The following SGO1 variants were observed in gnomAD, a reference collection of about 807,000 sequenced individuals.
The protein encoded by SGO1 is serologically defined breast cancer antigen NY-BR-85.
SGO1 carries 39 observed loss-of-function variants against 50.5 expected under a neutral mutation model. That is an observed-to-expected ratio of 0.77 (90% CI 0.60 to 1.01). The LOEUF is 1.01. Among genes scored for constraint, SGO1 ranks in the 50% least tolerant of loss-of-function variants. The pLI, the probability that SGO1 is intolerant of heterozygous loss-of-function variation, is 0.00. For synonymous variants in SGO1, 191 were observed against 205.1 expected, an observed-to-expected ratio of 0.93 and a Z score of 0.59; for missense variants, 638 against 606.0, an observed-to-expected ratio of 1.05 and a Z score of -0.55.
downstream of SGO1, among the ~76,000 whole-genome samples, chr3:20,166,040 G>A (rs1700282998): frequency 1.3e-5 from 2 of 152,164 alleles, no homozygotes; most frequent in South Asian, 2.1e-4. Flanking sequence ...CTGACAGAGC[G>A]AGACTCCATC....
chr3:20,185,389 T>G, intron 1 of SGO1, among the ~76,000 whole-genome samples: 1 of 152,234 alleles, frequency 6.6e-6, no homozygotes, highest in East Asian at 1.9e-4. Context: ...TTTTATATCC[T>G]GTCTAAATAA....
At chr3:20,172,916 T>C (rs1700929837) in intron 6 of SGO1, among the ~76,000 whole-genome samples, 2 of 151,730 alleles carry the variant, frequency 1.3e-5, no homozygotes, top group Admixed American at 6.6e-5. Context: ...CAGTGAGCCA[T>C]GACAGTGCCA....
rs1700548729 is a variant in SGO1 at position 20,169,978 on chromosome 3, G to A, written c.*726C>T. 4.1e-6 allele frequency: 4 copies of A among 984,250 alleles called. No individual in the cohort carries two copies. Among genetic ancestry groups the A allele is most frequent in the Non-Finnish European group, 4.8e-6 (4 of 829,008 alleles). The allele number at this position is 984,250 out of a possible 1,614,324, so 61.0% of individuals were successfully genotyped here. On this transcript the variant is annotated 3_prime_UTR_variant, in exon 8 of 8. Transcript: ENST00000412997. Reference sequence around the variant, plus strand: ...TTTTACTCAAATATTGTACTAAAGAGTTTCAAAAGATCCTCTTAGAAAATC... The same window carrying A: ...TTTTACTCAAATATTGTACTAAAGAATTTCAAAAGATCCTCTTAGAAAATC...
intron 3 of SGO1, among the ~76,000 whole-genome samples, chr3:20,181,203 A>G (rs542027008): frequency 1.4e-4 from 22 of 152,358 alleles, no homozygotes; most frequent in African/African-American, 5.1e-4. Flanking sequence ...TGACATGAAT[A>G]TAGCTAATGT....
chr3:20,185,543 A>G (rs1702548577), intron 1 of SGO1, among the ~76,000 whole-genome samples: 1 of 152,168 alleles, frequency 6.6e-6, no homozygotes, highest in African/African-American at 2.4e-5. Context: ...ATCTCCGTCC[A>G]TAATTCTCCA....
rs991736030 is a variant in SGO1 at position 20,170,197 on chromosome 3, G to A, written c.*507C>T. ...GCAGATCACCTGAGGTTGGGAGTTTGAGAGCAACCTGACCAACATGGAGAA... is the reference window on the plus strand; with the variant it reads ...GCAGATCACCTGAGGTTGGGAGTTTAAGAGCAACCTGACCAACATGGAGAA... On this transcript the variant is annotated 3_prime_UTR_variant, in exon 8 of 8. Coordinates refer to ENST00000412997, the MANE Select transcript of SGO1 (RefSeq NM_001199251.3). The A allele has an allele frequency of 8.5e-6, 6 of 702,162 alleles. No individual in the cohort carries two copies. The African/African-American group carries it at 9.7e-5, about 11-fold the overall frequency. 43.5% of individuals were successfully genotyped at this position (702,162 alleles called of 1,614,324 possible).
At chr3:20,181,214 T>A (rs967270874) in intron 3 of SGO1, among the ~76,000 whole-genome samples, 1 of 152,192 alleles carries the variant, frequency 6.6e-6, no homozygotes, top group African/African-American at 2.4e-5. Flanking sequence ...TAGCTAATGT[T>A]CTGAAACTAA....
At chr3:20,186,549 T>A (rs1222198951), upstream of SGO1, 1 of 152,262 alleles carries the variant, frequency 6.6e-6, no homozygotes, top group African/African-American at 2.4e-5. Context: ...CTCCCTCTTG[T>A]GAGAAGAATC....
At chr3:20,162,421 G>A (rs2125219136) in intron 8 of SGO1, among the ~76,000 whole-genome samples, 1 of 152,218 alleles carries the variant, frequency 6.6e-6, no homozygotes, top group South Asian at 2.1e-4. Flanking sequence ...CCAAAGATCT[G>A]CCCCAAAAAA....
downstream of SGO1, chr3:20,169,111 T>A (rs1352279184): frequency 2.0e-6 from 2 of 984,862 alleles, no homozygotes; most frequent in Non-Finnish European, 2.4e-6. Flanking sequence ...ATAGAAAAAT[T>A]TGGGATGATG....
chr3:20,176,327 A>G lies in SGO1; in HGVS notation c.475+274T>C, dbSNP rs564546688. Among the ~76,000 whole-genome samples the G allele has an allele frequency of 4.2e-4, 64 of 152,334 alleles. No homozygotes were observed. In the South Asian group the frequency reaches 0.013, roughly 31 times the overall value. Reference sequence around the variant, plus strand: ...GTGAGGGTTAGGTGAGATTATGCACATAAAATGCCTAACATAGAGCTTGAC... The same window carrying G: ...GTGAGGGTTAGGTGAGATTATGCACGTAAAATGCCTAACATAGAGCTTGAC... On this transcript the variant is annotated intron_variant, in intron 5 of 7. Coordinates refer to ENST00000412997, the MANE Select transcript of SGO1 (RefSeq NM_001199251.3).
At chr3:20,176,489 GAAC>G in intron 5 of SGO1, 109 bp downstream of exon 5, 1 of 672,432 alleles carries the variant, frequency 1.5e-6, no homozygotes, top group East Asian at 3.1e-5. Flanking sequence ...AATACCAGAT[GAAC>G]AAATTTAAAA....
intron 5 of SGO1, 34 bp downstream of exon 5, chr3:20,176,567 C>T: frequency 3.7e-6 from 5 of 1,342,240 alleles, no homozygotes; most frequent in East Asian, 2.4e-5. Flanking sequence ...TTATTTTGCC[C>T]TTAATAATAT....
At chr3:20,163,343 T>A (rs917856034) in intron 8 of SGO1, among the ~76,000 whole-genome samples, 1 of 152,094 alleles carries the variant, frequency 6.6e-6, no homozygotes, top group Non-Finnish European at 1.5e-5. Context: ...AATGTGAAAA[T>A]AAAATATAAA....
At chr3:20,178,382 T>C in intron 3 of SGO1, 35 bp from the exon 4 acceptor site, 2 of 1,423,922 alleles carry the variant, frequency 1.4e-6, no homozygotes, top group Non-Finnish European at 2.0e-6. Flanking sequence ...CTGTTATAAC[T>C]GAAGTATTCA....
upstream of SGO1, chr3:20,186,407 T>G (rs1702678708): frequency 6.6e-6 from 1 of 152,334 alleles, no homozygotes; most frequent in African/African-American, 2.4e-5. Flanking sequence ...CGCCGGGACT[T>G]TCTAATCAGA....
At chr3:20,176,220 T>A (rs116079898) in intron 5 of SGO1, among the ~76,000 whole-genome samples, 184 of 152,326 alleles carry the variant, frequency 1.2e-3, no homozygotes, top group South Asian at 0.012. Context: ...GCTGTTAACA[T>A]CTAGACTTCT....
At chr3:20,176,965 T>G (rs1158659355) in intron 4 of SGO1, among the ~76,000 whole-genome samples, 6 of 152,218 alleles carry the variant, frequency 3.9e-5, no homozygotes, top group Non-Finnish European at 7.4e-5. Flanking sequence ...ATTAATTTGT[T>G]AAATGTTTTT....
Position 20,183,625 on chromosome 3 carries a change from T to A in SGO1, c.322A>T (p.Thr108Ser). Residue 108 changes from threonine to serine, a missense_variant, in exon 3 of 8, where the codon ACA becomes TCA. By Grantham distance (58) the Thr-to-Ser change is moderately conservative. Coordinates refer to ENST00000412997, the MANE Select transcript of SGO1 (RefSeq NM_001199251.3). ...GAAAATACCTGAGCAGGTTCTACTG[T>A]TTGTTGTGATGTAAGTTTTCCTTTC... The part of the protein sequence containing the change: ...ALKGKLTSQQ[T>S]VEPAQNQEIC... 1 of 1,592,752 alleles carries A rather than the reference T, an allele frequency of 6.3e-7. No individual in the cohort carries two copies. The highest frequency in any genetic ancestry group is 8.5e-7 in the Non-Finnish European group (1 of 1,173,936).
Sources: gnomAD v4.1 joint callset for allele counts (sites outside exome capture counted in the v4.1 genomes callset) on GRCh38, gnomAD v4.1.1 for gene constraint, MANE v1.5 for transcripts, NCBI Gene and HGNC (gene_info 2026-07-23, HGNC 2026-07-21) for gene names.